The following COL22A1 variants were observed in gnomAD, a reference collection of about 807,000 sequenced individuals.
COL22A1 encodes the protein collagen alpha-1(XXII) chain.
In COL22A1, 221 loss-of-function variants were observed where a neutral mutation model predicts 248.9. The ratio of observed to expected loss-of-function variants is 0.89; its 90% CI spans 0.80 to 0.99. The LOEUF is 0.99. Among genes scored for constraint, COL22A1 ranks in the 50% least tolerant of loss-of-function variants. COL22A1 has a pLI of 0.00. For missense variants in COL22A1, 2,240 were observed against 2,179.0 expected, an observed-to-expected ratio of 1.03 and a Z score of -0.56; for synonymous variants, 891 against 793.4, an observed-to-expected ratio of 1.12 and a Z score of -2.07.
intron 49 of COL22A1, among the ~76,000 whole-genome samples, chr8:138,633,637 G>A (rs562749095): frequency 6.6e-6 from 1 of 152,258 alleles, no homozygotes; most frequent in South Asian, 2.1e-4. Flanking sequence ...AGTAAAATTA[G>A]TTACCTCTCA....
intron 3 of COL22A1, among the ~76,000 whole-genome samples, chr8:138,862,026 T>TAAAAA (rs386414193): frequency 5.5e-4 from 51 of 92,904 alleles, no homozygotes; most frequent in South Asian, 2.5e-3. Flanking sequence ...CTGTCTCTAC[T>TAAAAA]AAAAAAAAAA....
chr8:138,803,588 A>G (rs921519339), intron 10 of COL22A1, among the ~76,000 whole-genome samples: 1 of 152,030 alleles, frequency 6.6e-6, no homozygotes, highest in African/African-American at 2.4e-5. Context: ...CTGGGCATTC[A>G]ATTTGTATAA....
chr8:138,800,537 T>C (rs752095781), intron 11 of COL22A1, among the ~76,000 whole-genome samples: 1 of 152,220 alleles, frequency 6.6e-6, no homozygotes, highest in Non-Finnish European at 1.5e-5. Context: ...TTCTAGCGAC[T>C]TCTTCAGTTC....
intron 12 of COL22A1, among the ~76,000 whole-genome samples, chr8:138,791,856 C>T (rs1816075667): frequency 6.6e-6 from 1 of 151,974 alleles, no homozygotes; most frequent in Admixed American, 6.6e-5. Flanking sequence ...CTATCTACTG[C>T]TGAGTCAACG....
intron 3 of COL22A1, among the ~76,000 whole-genome samples, chr8:138,873,438 C>T (rs1823491638): frequency 6.6e-6 from 1 of 152,140 alleles, no homozygotes; most frequent in Non-Finnish European, 1.5e-5. Flanking sequence ...CAGGCCACTG[C>T]CCTTATTTCC....
At chr8:138,723,576 G>A (rs1280445085) in intron 25 of COL22A1, among the ~76,000 whole-genome samples, 5 of 152,134 alleles carry the variant, frequency 3.3e-5, no homozygotes, top group African/African-American at 1.2e-4. Context: ...GGATCGGATG[G>A]GATTGCTCAT....
intron 1 of COL22A1, among the ~76,000 whole-genome samples, chr8:138,897,670 C>T (rs1814219778): frequency 2.0e-5 from 3 of 151,974 alleles, no homozygotes; most frequent in African/African-American, 4.8e-5. Flanking sequence ...GCCCATAGAG[C>T]ATATGTTTAA....
At chr8:138,913,454 G>A (rs1429163041) in intron 1 of COL22A1, among the ~76,000 whole-genome samples, 165 bp downstream of exon 1, 1 of 152,176 alleles carries the variant, frequency 6.6e-6, no homozygotes, top group African/African-American at 2.4e-5. Context: ...AAAGAGCGAA[G>A]TGTGCTCAGG....
chr8:138,707,671 C>G (rs1180524243), intron 30 of COL22A1, among the ~76,000 whole-genome samples: 1 of 152,142 alleles, frequency 6.6e-6, no homozygotes, highest in African/African-American at 2.4e-5. Context: ...AAACCCACAA[C>G]CAATATCATA....
intron 52 of COL22A1, among the ~76,000 whole-genome samples, chr8:138,623,264 G>A (rs201245201): frequency 0.02 from 66 of 3,376 alleles, no homozygotes; most frequent in South Asian, 0.12. Flanking sequence ...ATATATTTAT[G>A]TGTGTGTGTG....
intron 57 of COL22A1, 111 bp from the exon 58 acceptor site, chr8:138,606,563 A>C: frequency 6.9e-6 from 7 of 1,014,806 alleles, no homozygotes; most frequent in Non-Finnish European, 9.0e-6. Context: ...TCCACACAAC[A>C]CACAAATCCT....
chr8:138,713,079 C>T (rs28613696), intron 30 of COL22A1, among the ~76,000 whole-genome samples: 143,726 of 152,274 alleles, frequency 0.94, 68,369 homozygotes, highest in East Asian at 1. Context: ...GCCCAACTGT[C>T]TGGACTCACA....
chr8:138,692,280 A>G (rs546820495), intron 35 of COL22A1, among the ~76,000 whole-genome samples: 226 of 4,124 alleles, frequency 0.055, 12 homozygotes, highest in African/African-American at 0.12. Flanking sequence ...TTGTGTGCAC[A>G]TGCATGTGTG....
intron 9 of COL22A1, among the ~76,000 whole-genome samples, chr8:138,809,241 T>C (rs1248354139): frequency 6.6e-6 from 1 of 152,166 alleles, no homozygotes; most frequent in Admixed American, 6.5e-5. Flanking sequence ...GTGAGATCCT[T>C]GGGGCTCAGC....
At chr8:138,803,569 C>G (rs553087239) in intron 10 of COL22A1, among the ~76,000 whole-genome samples, 2 of 152,064 alleles carry the variant, frequency 1.3e-5, no homozygotes, top group Non-Finnish European at 2.9e-5. Context: ...AAGTGTCAAC[C>G]AGAGTCCCCT....
intron 5 of COL22A1, among the ~76,000 whole-genome samples, chr8:138,830,811 T>C (rs768760776): frequency 6.6e-5 from 10 of 152,174 alleles, no homozygotes; most frequent in Non-Finnish European, 1.2e-4. Context: ...ACAAGTGGAA[T>C]AGGTGGTGAA....
At position 138,589,294 on chromosome 8, in the gene COL22A1, C is replaced by A. The variant is rs758961090; in HGVS notation, c.4840G>T (p.Ala1614Ser). 1.2e-6 allele frequency: 2 copies of A among 1,613,722 alleles called. No homozygotes were observed. The highest frequency in any genetic ancestry group is 1.3e-5 in the African/African-American group (1 of 74,980). ...QCDPSQCAYF[A>S]SLAARPGNVK... ...TTACCCGGCCGGGCAGCAAGGCTGG[C>A]GAAGTAGGCACACTGGGAAGGGTCA... The change falls in exon 65 of 65, where the codon GCC becomes TCC. Residue 1614 changes from alanine (A) to serine (S), a missense_variant. By Grantham distance (99) the Ala-to-Ser change is moderately conservative. Transcript: ENST00000303045.
chr8:138,661,889 G>C, intron 43 of COL22A1, 141 bp downstream of exon 43: 1 of 539,058 alleles, frequency 1.9e-6, no homozygotes, highest in Non-Finnish European at 3.4e-6. Flanking sequence ...TAAAAAGCAT[G>C]TCCATGGGGC....
At chr8:138,729,078 T>A (rs1004050432) in intron 23 of COL22A1, among the ~76,000 whole-genome samples, 3 of 152,184 alleles carry the variant, frequency 2.0e-5, no homozygotes, top group Admixed American at 2.0e-4. Context: ...CTGTGTTTCA[T>A]ACACCAGCTC....
Sources: gnomAD v4.1 joint callset for allele counts (sites outside exome capture counted in the v4.1 genomes callset) on GRCh38, gnomAD v4.1.1 for gene constraint, MANE v1.5 for transcripts, NCBI Gene and HGNC (gene_info 2026-07-23, HGNC 2026-07-21) for gene names.